The following PARP4 variants were observed in gnomAD, a reference collection of about 807,000 sequenced individuals.
The protein encoded by PARP4 is protein mono-ADP-ribosyltransferase PARP4.
Under a neutral mutation model 187.7 loss-of-function variants are expected in PARP4, and 120 were observed. The observed-to-expected ratio is 0.64, with a 90% confidence interval of 0.55 to 0.74. PARP4 has a LOEUF of 0.74. Among genes scored for constraint, PARP4 ranks in the 30% least tolerant of loss-of-function variants. The probability of loss-of-function intolerance (pLI) is 0.00; values close to 1 mark genes in which losing one functional copy is unlikely to be tolerated. For synonymous variants in PARP4, 654 were observed against 740.9 expected (o/e 0.88, Z 1.90); for missense variants, 1,836 against 2,070.5 (o/e 0.89, Z 2.20).
chr13:24,494,808 C>A, intron 6 of PARP4, 86 bp from the exon 7 acceptor site: 1 of 792,942 alleles, frequency 1.3e-6, no homozygotes, highest in Non-Finnish European at 2.0e-6. Flanking sequence ...AGGTCCTTGA[C>A]ATGAAGAAGC....
intron 7 of PARP4, among the ~76,000 whole-genome samples, chr13:24,494,187 T>A (rs1413928674): frequency 6.6e-6 from 1 of 152,202 alleles, no homozygotes; most frequent in African/African-American, 2.4e-5. Flanking sequence ...CTCCTCCTCT[T>A]CCCTCCTGAC....
chr13:24,438,974 G>C (rs556931736), intron 30 of PARP4, among the ~76,000 whole-genome samples: 1 of 148,952 alleles, frequency 6.7e-6, no homozygotes, highest in African/African-American at 2.5e-5. Context: ...TACATGGTCC[G>C]TTCAAACAAC....
intron 15 of PARP4, among the ~76,000 whole-genome samples, chr13:24,471,724 C>A (rs1361687735): frequency 6.6e-6 from 1 of 152,136 alleles, no homozygotes. Flanking sequence ...AGGGAACAGG[C>A]CTCTTCGGGT....
Position 24,452,452 on chromosome 13 carries a change from C to G in PARP4, c.2968G>C (p.Val990Leu). The part of the protein sequence containing the change: ...LQDESLTLQL[V>L]KRSRPHTRLF... ...CTGGTGTGCGGGCGGCTCCTCTTCACGAGCTGTAATGTCAGGCTCTCATCC... is the reference window on the plus strand; with the variant it reads ...CTGGTGTGCGGGCGGCTCCTCTTCAGGAGCTGTAATGTCAGGCTCTCATCC... Residue 990 changes from valine to leucine, a missense_variant, in exon 24 of 34, where the codon GTG becomes CTG. By Grantham distance (32) the Val-to-Leu change is conservative (BLOSUM62 1). Coordinates refer to ENST00000381989, the MANE Select transcript of PARP4 (RefSeq NM_006437.4). The G allele has an allele frequency of 1.2e-6, 2 of 1,614,034 alleles. No homozygotes were observed. Among genetic ancestry groups the G allele is most frequent in the Non-Finnish European group, 1.7e-6 (2 of 1,179,980 alleles).
chr13:24,498,062 T>C (rs1965154), intron 6 of PARP4, 54 bp downstream of exon 6: 537,125 of 1,236,236 alleles, frequency 0.43, 119,884 homozygotes, highest in East Asian at 0.62. Context: ...TTCATTGAAA[T>C]GAGTTATGAA....
intron 31 of PARP4, among the ~76,000 whole-genome samples, chr13:24,432,107 T>A (rs76212005): frequency 6.3e-4 from 96 of 152,360 alleles, no homozygotes; most frequent in Non-Finnish European, 1.3e-3. Flanking sequence ...TTGTATGTAT[T>A]TTGACATACG....
intron 15 of PARP4, among the ~76,000 whole-genome samples, chr13:24,473,908 G>A (rs932211289): frequency 1.5e-4 from 23 of 151,972 alleles, no homozygotes; most frequent in Non-Finnish European, 3.1e-4. Flanking sequence ...CCTCCCCTAC[G>A]TCTCCACGTT....
intron 17 of PARP4, among the ~76,000 whole-genome samples, chr13:24,468,139 C>T (rs571957067): frequency 2.0e-4 from 31 of 152,296 alleles, no homozygotes; most frequent in African/African-American, 7.5e-4. Flanking sequence ...AATACCTGCA[C>T]TAGAGTTAGA....
Position 24,431,376 on chromosome 13 carries a change from C to T in PARP4, c.4846+1G>A, listed in dbSNP as rs765578409. 3 of 1,522,408 alleles carry T rather than the reference C, an allele frequency of 2.0e-6. No homozygotes were observed. Among genetic ancestry groups the T allele is most frequent in the East Asian group, 2.3e-5 (1 of 43,504 alleles). 94.3% of individuals were successfully genotyped at this position (1,522,408 alleles called of 1,614,324 possible). ...TAATAAATGGAAACATAGTGCCTTA[C>T]CTAGAGATTGAATGCCTTTTTGTTT... On this transcript the variant is annotated splice_donor_variant, in intron 32 of 33. Transcript: ENST00000381989. LOFTEE classifies it high-confidence loss of function.
In PARP4 at chr13:24,434,763, A is replaced by G. The variant is rs1211048170; in HGVS notation, c.4378T>C (p.Ser1460Pro). 2 of 1,612,854 alleles carry G rather than the reference A, an allele frequency of 1.2e-6. No homozygotes were observed. Among genetic ancestry groups the G allele is most frequent in the Non-Finnish European group, 1.7e-6 (2 of 1,179,570 alleles). ...GCGGAAGGTTGAAAATGAAAAGGAG[A>G]GGAAGCAGAGGGATGATAAGACCCA... Reference protein sequence around the residue: ...GFGSYHPSASSPFHFQPSAAS... With the variant: ...GFGSYHPSASPPFHFQPSAAS... The change falls in exon 31 of 34, where the codon TCT becomes CCT. Residue 1460 changes from serine (S) to proline (P), a missense_variant. This residue lies in a region of PARP4 where 450 missense variants were observed against 439.2 expected (regional missense o/e 1.02). Transcript: ENST00000381989.
chr13:24,495,435 C>T (rs556859967), intron 6 of PARP4, among the ~76,000 whole-genome samples: 10 of 152,230 alleles, frequency 6.6e-5, no homozygotes, highest in East Asian at 1.9e-4. Context: ...CTGTTAGAGA[C>T]GGGCACACAG....
At chr13:24,482,339 A>T (rs895982835) in intron 12 of PARP4, among the ~76,000 whole-genome samples, 3 of 152,260 alleles carry the variant, frequency 2.0e-5, no homozygotes, top group African/African-American at 7.2e-5. Flanking sequence ...ACAAAGCAGC[A>T]GCAGTGTTTG....
intron 14 of PARP4, among the ~76,000 whole-genome samples, chr13:24,477,033 C>T (rs576969097): frequency 7.9e-5 from 12 of 152,312 alleles, no homozygotes; most frequent in Non-Finnish European, 1.2e-4. Context: ...TCTGCTCTCC[C>T]CACCCCATTA....
intron 33 of PARP4, among the ~76,000 whole-genome samples, chr13:24,423,892 C>T (rs569299862): frequency 2.4e-4 from 37 of 152,186 alleles, no homozygotes; most frequent in Non-Finnish European, 4.6e-4. Flanking sequence ...GTCTTGAACT[C>T]CTGGATGCAA....
Position 24,460,033 on chromosome 13 carries a change from A to T in PARP4, c.2237T>A (p.Phe746Tyr). ...ELSILGTVGV[F>Y]FMPATVAPWQ... The stretch of plus-strand genomic sequence containing the variant: ...GGGTGCTACGGTGGCGGGCATGAAA[A>T]AGACACCAACAGTGCCCAGGATGCT... Residue 746 changes from phenylalanine (F) to tyrosine (Y), a missense_variant, in exon 18 of 34, where the codon TTT becomes TAT. By Grantham distance (22) the Phe-to-Tyr change is conservative (BLOSUM62 3). Transcript: ENST00000381989. 6.2e-7 allele frequency: 1 copy of T among 1,614,082 alleles called. No homozygotes were observed. The highest frequency in any genetic ancestry group is 1.1e-5 in the South Asian group (1 of 91,070).
In PARP4 at chr13:24,459,340, T is replaced by C. The variant is rs1316696343; in HGVS notation, c.2299-30A>G. On this transcript the variant is annotated intron_variant, in intron 18 of 33. Transcript: ENST00000381989. The stretch of plus-strand genomic sequence containing the variant: ...TAAAAGAAAAATACATTTGTATAAC[T>C]AAGCATATATTAAGTTTCACAATGA... The C allele has an allele frequency of 2.7e-6, 4 of 1,494,124 alleles. No homozygotes were observed. The African/African-American group carries it at 5.7e-5, about 21-fold the overall frequency. 92.6% of individuals were successfully genotyped at this position (1,494,124 alleles called of 1,614,324 possible). A position where few individuals can be genotyped will look rare whatever the true frequency, so the allele number is the denominator to read the frequency against.
At chr13:24,508,806 A>G (rs4770701) in intron 1 of PARP4, among the ~76,000 whole-genome samples, 78,350 of 151,908 alleles carry the variant, frequency 0.52, 20,426 homozygotes, top group South Asian at 0.66. Flanking sequence ...GAGTCACCGC[A>G]CCCAGCCACA....
intron 2 of PARP4, among the ~76,000 whole-genome samples, chr13:24,502,805 G>A (rs191809166): frequency 1.1e-3 from 174 of 152,364 alleles, no homozygotes; most frequent in Non-Finnish European, 2.1e-3. Flanking sequence ...CTGTATAAGG[G>A]AAGTATATAC....
intron 1 of PARP4, among the ~76,000 whole-genome samples, chr13:24,507,221 C>T (rs1365095914): frequency 6.6e-6 from 1 of 152,226 alleles, no homozygotes; most frequent in Non-Finnish European, 1.5e-5. Context: ...CTCGCCAGCT[C>T]AGAAAGGGGC....
Sources: gnomAD v4.1 joint callset for allele counts (sites outside exome capture counted in the v4.1 genomes callset) on GRCh38, gnomAD v4.1.1 for gene constraint, gnomAD v4.1.1 regional missense constraint, MANE v1.5 for transcripts, NCBI Gene and HGNC (gene_info 2026-07-23, HGNC 2026-07-21) for gene names.